Variants in ARL15 observed in about 807,000 individuals in gnomAD.
The protein encoded by ARL15 is ADP-ribosylation factor-like protein 15.
Under a neutral mutation model 25.2 loss-of-function variants are expected in ARL15, and 19 were observed. That is an observed-to-expected ratio of 0.75 (90% CI 0.53 to 1.10). ARL15 has a LOEUF of 1.10. Among genes scored for constraint, ARL15 ranks in the 50% least tolerant of loss-of-function variants. The pLI, the probability that ARL15 is intolerant of heterozygous loss-of-function variation, is 0.00. For missense variants in ARL15, 220 were observed against 246.0 expected, an observed-to-expected ratio of 0.89 and a Z score of 0.71; for synonymous variants, 94 against 86.8, an observed-to-expected ratio of 1.08 and a Z score of -0.46.
chr5:54,179,025 G>A (rs1424575818), intron 1 of ARL15, among the ~76,000 whole-genome samples: 1 of 152,172 alleles, frequency 6.6e-6, no homozygotes, highest in Non-Finnish European at 1.5e-5. Context: ...AGTACCATAT[G>A]ATTTCAATTT....
At position 53,977,029 on chromosome 5, in the gene ARL15, T is replaced by A. The variant is rs1460177493; in HGVS notation, c.463-90316A>T. On this transcript the variant is annotated intron_variant, in intron 4 of 4. Coordinates refer to ENST00000504924, the MANE Select transcript of ARL15 (RefSeq NM_019087.3). ...GTTAACTTTTATCTCCAAATTATAATGTGAAAACTAGGAAATTCAAGGCAT... is the reference window on the plus strand; with the variant it reads ...GTTAACTTTTATCTCCAAATTATAAAGTGAAAACTAGGAAATTCAAGGCAT... Among the ~76,000 whole-genome samples, 8 of 152,260 alleles carry A rather than the reference T, an allele frequency of 5.3e-5. No homozygotes were observed. In the East Asian group the frequency reaches 1.4e-3, roughly 26 times the overall value.
At chr5:53,999,516 G>C (rs574754146) in intron 4 of ARL15, among the ~76,000 whole-genome samples, 6 of 152,156 alleles carry the variant, frequency 3.9e-5, no homozygotes, top group Non-Finnish European at 7.4e-5. Context: ...ACTTGAACCC[G>C]GGAGGTGGAG....
At chr5:54,255,005 G>T (rs943118299) in intron 1 of ARL15, among the ~76,000 whole-genome samples, 1 of 152,046 alleles carries the variant, frequency 6.6e-6, no homozygotes, top group African/African-American at 2.4e-5. Context: ...TTTCTATCAC[G>T]CCTGTTTAGA....
At chr5:54,167,138 C>T (rs10940361) in intron 2 of ARL15, among the ~76,000 whole-genome samples, 36,127 of 152,028 alleles carry the variant, frequency 0.24, 4,510 homozygotes, top group African/African-American at 0.3. Flanking sequence ...GTATGAACAC[C>T]AACCACTGTT....
rs180957544 is a variant in ARL15, at chr5:53,947,402, T to C, written c.463-60689A>G. Among the ~76,000 whole-genome samples the C allele has an allele frequency of 2.1e-3, 322 of 152,224 alleles. 1 individual carries two copies. Among genetic ancestry groups the C allele is most frequent in the African/African-American group, 7.5e-3 (310 of 41,544 alleles). On this transcript the variant is annotated intron_variant, in intron 4 of 4. Transcript: ENST00000504924. ...GGATGTGGCAAGGGAAGGAGACACC[T>C]GAGGCTGACATTCTTAGCCAAAACT...
chr5:54,124,418 A>G (rs564082354), intron 3 of ARL15, among the ~76,000 whole-genome samples: 6 of 152,178 alleles, frequency 3.9e-5, no homozygotes, highest in Non-Finnish European at 5.9e-5. Flanking sequence ...GCTGTTCTGA[A>G]TATTTTTTCT....
intron 4 of ARL15, among the ~76,000 whole-genome samples, chr5:54,098,809 A>G (rs540221039): frequency 2.0e-5 from 3 of 152,194 alleles, no homozygotes; most frequent in Admixed American, 6.5e-5. Context: ...AATTTCCCCC[A>G]AAGAAAACCC....
intron 1 of ARL15, among the ~76,000 whole-genome samples, chr5:54,244,616 A>G (rs1019210393): frequency 6.6e-6 from 1 of 152,226 alleles, no homozygotes; most frequent in African/African-American, 2.4e-5. Flanking sequence ...TGTTATAAAT[A>G]TAAAGTAATG....
chr5:54,050,809 ATC>A (rs1050285833), intron 4 of ARL15, among the ~76,000 whole-genome samples: 11 of 152,248 alleles, frequency 7.2e-5, no homozygotes, highest in Admixed American at 6.5e-4. Flanking sequence ...TCCCAATTTT[ATC>A]TTTTAGATCC....
At chr5:53,890,581 C>T (rs1451080908) in intron 4 of ARL15, among the ~76,000 whole-genome samples, 1 of 152,190 alleles carries the variant, frequency 6.6e-6, no homozygotes, top group Non-Finnish European at 1.5e-5. Context: ...TGTCTGACAA[C>T]CTGTGGTCAT....
intron 3 of ARL15, among the ~76,000 whole-genome samples, chr5:54,123,158 G>T (rs1377965920): frequency 6.8e-6 from 1 of 147,292 alleles, no homozygotes; most frequent in Non-Finnish European, 1.5e-5. Context: ...TGCGCAGGCT[G>T]GAGTGCAATG....
At chr5:54,199,068 TG>T (rs544310019) in intron 1 of ARL15, among the ~76,000 whole-genome samples, 1 of 151,894 alleles carries the variant, frequency 6.6e-6, no homozygotes, top group East Asian at 1.9e-4. Context: ...ATTTAATAAA[TG>T]GTGCTGGGAA....
At chr5:53,914,871 C>T (rs564809819) in intron 4 of ARL15, among the ~76,000 whole-genome samples, 3 of 152,096 alleles carry the variant, frequency 2.0e-5, no homozygotes, top group East Asian at 1.9e-4. Context: ...AGTGCAATGG[C>T]GTGATCTCAG....
intron 4 of ARL15, among the ~76,000 whole-genome samples, chr5:53,986,525 A>G (rs1748302794): frequency 6.6e-6 from 1 of 152,228 alleles, no homozygotes; most frequent in African/African-American, 2.4e-5. Context: ...GGTCTAGGGT[A>G]CAGCCTAGGA....
chr5:54,018,165 C>CA (rs1244483777), intron 4 of ARL15, among the ~76,000 whole-genome samples: 2 of 152,100 alleles, frequency 1.3e-5, no homozygotes, highest in African/African-American at 2.4e-5. Context: ...TACATAAGCA[C>CA]AAAAACTCTA....
At chr5:53,888,313 A>G (rs930861494) in intron 4 of ARL15, among the ~76,000 whole-genome samples, 2 of 151,718 alleles carry the variant, frequency 1.3e-5, no homozygotes, top group Admixed American at 6.6e-5. Flanking sequence ...TAGGGTCTCA[A>G]TCTGTCACCC....
chr5:54,033,611 G>A (rs2111907727), intron 4 of ARL15, among the ~76,000 whole-genome samples: 1 of 151,244 alleles, frequency 6.6e-6, no homozygotes, highest in South Asian at 2.1e-4. Flanking sequence ...GGTGGAGGTT[G>A]CAGTGATCCG....
At chr5:54,129,160 T>C (rs926148811) in intron 3 of ARL15, among the ~76,000 whole-genome samples, 5 of 152,178 alleles carry the variant, frequency 3.3e-5, no homozygotes, top group Admixed American at 6.5e-5. Flanking sequence ...TTGTATACTA[T>C]CTAAATCGAA....
At chr5:54,048,626 C>A (rs1750608305) in intron 4 of ARL15, among the ~76,000 whole-genome samples, 1 of 151,684 alleles carries the variant, frequency 6.6e-6, no homozygotes. Flanking sequence ...TGGTCTCGAA[C>A]TCCTGACCTC....
Sources: gnomAD v4.1 joint callset for allele counts (sites outside exome capture counted in the v4.1 genomes callset) on GRCh38, gnomAD v4.1.1 for gene constraint, MANE v1.5 for transcripts, NCBI Gene and HGNC (gene_info 2026-07-23, HGNC 2026-07-21) for gene names.